Variants in MYSM1 observed in about 807,000 individuals in gnomAD.
MYSM1 encodes the protein deubiquitinase MYSM1.
Under a neutral mutation model 116.0 loss-of-function variants are expected in MYSM1, and 51 were observed. That is an observed-to-expected ratio of 0.44 (90% CI 0.35 to 0.56). The LOEUF is 0.56. Among genes scored for constraint, MYSM1 ranks in the 20% least tolerant of loss-of-function variants. The probability of loss-of-function intolerance (pLI) is 0.00; values close to 1 mark genes in which losing one functional copy is unlikely to be tolerated. For synonymous variants in MYSM1, 313 were observed against 315.2 expected, an observed-to-expected ratio of 0.99 and a Z score of 0.07; for missense variants, 900 against 974.9, an observed-to-expected ratio of 0.92 and a Z score of 1.02.
At chr1:58,662,073 C>T (rs752167912) in intron 17 of MYSM1, among the ~76,000 whole-genome samples, 7 of 151,914 alleles carry the variant, frequency 4.6e-5, no homozygotes, top group Non-Finnish European at 8.8e-5. Flanking sequence ...AGCAGGTTTG[C>T]CTCACTTCTG....
At position 58,661,232 on chromosome 1, in the gene MYSM1, A is replaced by C; in HGVS notation, c.2271-5T>G. 6.2e-7 allele frequency: 1 copy of C among 1,612,064 alleles called. No individual in the cohort carries two copies. Among genetic ancestry groups the C allele is most frequent in the African/African-American group, 1.3e-5 (1 of 74,978 alleles). ...ATTTTATCCATGGGGACGCTGCTGT[A>C]GGAAGAAATATGAAAACAAACTGGT... On this transcript the variant is annotated splice_region_variant and splice_polypyrimidine_tract_variant and intron_variant, in intron 18 of 19. Transcript: ENST00000472487.
At chr1:58,693,342 C>T (rs926654124) in intron 2 of MYSM1, among the ~76,000 whole-genome samples, 11 of 152,174 alleles carry the variant, frequency 7.2e-5, no homozygotes, top group East Asian at 1.9e-4. Flanking sequence ...TCATTTTCAA[C>T]GCTCCAAGTT....
chr1:58,669,836 C>CA (rs58828009), intron 12 of MYSM1, among the ~76,000 whole-genome samples: 460 of 14,510 alleles, frequency 0.032, 41 homozygotes, highest in African/African-American at 0.074. Flanking sequence ...ACCCTGTCTC[C>CA]AAAAAAAAAA....
intron 2 of MYSM1, among the ~76,000 whole-genome samples, chr1:58,694,074 A>G (rs1166263859): frequency 6.6e-6 from 1 of 151,924 alleles, no homozygotes; most frequent in Non-Finnish European, 1.5e-5. Flanking sequence ...TTTTCCCATC[A>G]TTTTCAACTT....
Position 58,667,114 on chromosome 1 carries a change from A to G in MYSM1, c.1955T>C (p.Ile652Thr). The stretch of plus-strand genomic sequence containing the variant: ...AGCAGGATGAGAATGATACCATCCA[A>G]TAACACTGAAGCCTCTAACAGCCAA... ...ETLAVRGFSV[I>T]GWYHSHPAFD... is the part of the protein sequence containing the mutation. The change falls in exon 16 of 20, where the codon ATT becomes ACT. Residue 652 changes from isoleucine to threonine, a missense_variant. Ile to Thr is a moderately conservative substitution (Grantham distance 89, BLOSUM62 -1). Coordinates refer to ENST00000472487, the MANE Select transcript of MYSM1 (RefSeq NM_001085487.3). 5 of 1,613,736 alleles carry G rather than the reference A, an allele frequency of 3.1e-6. No homozygotes were observed. The highest frequency in any genetic ancestry group is 4.2e-6 in the Non-Finnish European group (5 of 1,179,756).
chr1:58,662,065 C>G (rs1340518757), intron 17 of MYSM1, among the ~76,000 whole-genome samples: 2 of 151,852 alleles, frequency 1.3e-5, no homozygotes, highest in Non-Finnish European at 2.9e-5. Context: ...TAAAACCCAG[C>G]AGGTTTGCCT....
intron 16 of MYSM1, 47 bp downstream of exon 16, chr1:58,666,991 T>A: frequency 9.0e-7 from 1 of 1,114,554 alleles, no homozygotes. Flanking sequence ...AAGGGAGCAT[T>A]GAGGGGGTGT....
chr1:58,699,884 T>A, intron 1 of MYSM1, 101 bp downstream of exon 1: 1 of 1,565,950 alleles, frequency 6.4e-7, no homozygotes, highest in Non-Finnish European at 8.6e-7. Context: ...GGGACAGTCT[T>A]CTGTTCCCTT....
chr1:58,658,554 G>A lies in MYSM1; in HGVS notation c.*1443C>T, dbSNP rs1644347853. The A allele has an allele frequency of 2.6e-5, 4 of 152,084 alleles. No homozygotes were observed. The highest frequency in any genetic ancestry group is 2.6e-4 in the Admixed American group (4 of 15,264). The allele number at this position is 152,084 out of a possible 1,614,324, so 9.4% of individuals were successfully genotyped here. A position where few individuals can be genotyped will look rare whatever the true frequency, so the allele number is the denominator to read the frequency against. ...GACAAGAACCAGGTCACCTAAAGCT[G>A]ACTCACTGCTTCTTCCAATACTCCT... On this transcript the variant is annotated 3_prime_UTR_variant, in exon 20 of 20. Transcript: ENST00000472487.
At chr1:58,698,100 A>ATTTTTTTTTTTT (rs1446935480) in intron 1 of MYSM1, among the ~76,000 whole-genome samples, 96 of 4,954 alleles carry the variant, frequency 0.019, 3 homozygotes, top group African/African-American at 0.031. Context: ...ATATATATAT[A>ATTTTTTTTTTTT]TATTTTTTTT....
At position 58,675,506 on chromosome 1, in the gene MYSM1, A is replaced by G. The variant is rs1288597376; in HGVS notation, c.1465T>C (p.Tyr489His). 1.9e-6 allele frequency: 3 copies of G among 1,612,838 alleles called. No homozygotes were observed. The highest frequency in any genetic ancestry group is 1.3e-5 in the African/African-American group (1 of 74,926). Residue 489 changes from tyrosine (Y) to histidine (H), a missense_variant, in exon 10 of 20, where the codon TAC becomes CAC. Physicochemically the swap from Tyr to His is moderately conservative, Grantham distance 83. Coordinates refer to ENST00000472487, the MANE Select transcript of MYSM1 (RefSeq NM_001085487.3). The part of the protein sequence containing the change: ...IRDRKDAVEA[Y>H]QLAQRLQSMR... ...GACTGCAGACGCTGGGCAAGTTGGT[A>G]TGCTTCTACTGCATCTTTTCTGTCT...
intron 12 of MYSM1, among the ~76,000 whole-genome samples, chr1:58,669,849 A>C (rs1231913047): frequency 1.3e-5 from 2 of 148,480 alleles, no homozygotes; most frequent in African/African-American, 2.5e-5. Flanking sequence ...AAAAAAAAAA[A>C]AAAAAAAAAA....
At chr1:58,698,772 AG>A (rs760312393) in intron 1 of MYSM1, among the ~76,000 whole-genome samples, 83 of 152,362 alleles carry the variant, frequency 5.4e-4, no homozygotes, top group Middle Eastern at 3.4e-3. Context: ...AATGTCAACA[AG>A]TATTGTTATT....
intron 7 of MYSM1, 96 bp downstream of exon 7, chr1:58,685,057 A>G: frequency 1.0e-6 from 1 of 981,654 alleles, no homozygotes; most frequent in Non-Finnish European, 1.5e-6. Flanking sequence ...AAAAACTTTT[A>G]CCAGTAAGAC....
At position 58,692,861 on chromosome 1, in the gene MYSM1, T is replaced by C. The variant is rs766220236; in HGVS notation, c.218A>G (p.Glu73Gly). 2 of 1,607,966 alleles carry C rather than the reference T, an allele frequency of 1.2e-6. No homozygotes were observed. The highest frequency in any genetic ancestry group is 8.5e-7 in the Non-Finnish European group (1 of 1,177,204). Residue 73 changes from glutamate to glycine, a missense_variant and splice_region_variant, in exon 3 of 20, where the codon GAA (glutamate) becomes GGA (glycine). Glu to Gly is a moderately conservative substitution (Grantham distance 98). Coordinates refer to ENST00000472487, the MANE Select transcript of MYSM1 (RefSeq NM_001085487.3). ...AVIEKMLLEE[E>G]YYLSKKSQPE... ...TTTCCTCATAATCATTAAAGGATAC[T>C]CTTCTTCCAACAACATTTTCTCAAT... is the stretch of plus-strand genomic sequence containing the variant.
chr1:58,696,548 T>G (rs1644976687), intron 1 of MYSM1, among the ~76,000 whole-genome samples: 1 of 152,244 alleles, frequency 6.6e-6, no homozygotes, highest in South Asian at 2.1e-4. Flanking sequence ...ATTCTGCTGT[T>G]TCTCCCATTT....
At chr1:58,687,937 CGT>C (rs146040979) in intron 6 of MYSM1, among the ~76,000 whole-genome samples, 3 of 151,796 alleles carry the variant, frequency 2.0e-5, no homozygotes, top group Admixed American at 6.6e-5. Context: ...CCTCCTTCTG[CGT>C]GTGTGTGTGT....
chr1:58,675,053 A>G (rs181930216), intron 10 of MYSM1, among the ~76,000 whole-genome samples: 2 of 152,062 alleles, frequency 1.3e-5, no homozygotes, highest in East Asian at 3.9e-4. Context: ...CGAATTTTAA[A>G]ATATTATAAA....
At chr1:58,694,503 C>A (rs1277065788) in intron 2 of MYSM1, among the ~76,000 whole-genome samples, 2 of 152,094 alleles carry the variant, frequency 1.3e-5, no homozygotes, top group African/African-American at 4.8e-5. Context: ...CGCCTGTAGT[C>A]CCAGCTACTC....
Sources: allele counts gnomAD v4.1 joint callset (sites outside exome capture counted in the v4.1 genomes callset), GRCh38; gene constraint gnomAD v4.1.1; transcripts MANE v1.5; gene names NCBI Gene and HGNC (gene_info 2026-07-23, HGNC 2026-07-21).